The following ZFAND3 variants were observed in gnomAD, a reference collection of about 807,000 sequenced individuals.
The protein encoded by ZFAND3 is zinc finger AN1-type containing 3, also known as AN1-type zinc finger protein 3.
In ZFAND3, 10 loss-of-function variants were observed where a neutral mutation model predicts 29.6. The ratio of observed to expected loss-of-function variants is 0.34; its 90% confidence interval spans 0.21 to 0.57. The LOEUF (loss-of-function observed/expected upper bound fraction) is 0.57. ZFAND3 is among the 20% of genes least tolerant of loss of function. The pLI, the probability that ZFAND3 is intolerant of heterozygous loss-of-function variation, is 0.86. For synonymous variants in ZFAND3, 128 were observed against 112.6 expected, an observed-to-expected ratio of 1.14 and a Z score of -0.87; for missense variants, 230 against 304.5, an observed-to-expected ratio of 0.76 and a Z score of 1.82.
At chr6:38,080,694 G>A (rs984774085) in intron 3 of ZFAND3, among the ~76,000 whole-genome samples, 4 of 152,064 alleles carry the variant, frequency 2.6e-5, no homozygotes, top group Non-Finnish European at 1.5e-5. Context: ...AAATAAGAAG[G>A]CTTCAGTTAA....
At chr6:37,820,104 C>A in intron 1 of ZFAND3, 88 bp downstream of exon 1, 1 of 1,062,930 alleles carries the variant, frequency 9.4e-7, no homozygotes, top group Non-Finnish European at 1.2e-6. Context: ...GCCCGGGAGG[C>A]CGGAACCTTG....
intron 1 of ZFAND3, among the ~76,000 whole-genome samples, chr6:37,892,034 A>C (rs191765328): frequency 1.3e-5 from 2 of 152,284 alleles, no homozygotes; most frequent in Admixed American, 1.3e-4. Context: ...CGGCCAAAGT[A>C]TACATTATTC....
intron 2 of ZFAND3, among the ~76,000 whole-genome samples, chr6:38,059,533 A>G (rs1047885095): frequency 6.6e-6 from 1 of 151,962 alleles, no homozygotes; most frequent in Non-Finnish European, 1.5e-5. Context: ...CCCTCCCTCA[A>G]TCTGAGATTT....
chr6:38,078,763 A>G (rs1218961563), intron 3 of ZFAND3, among the ~76,000 whole-genome samples: 5 of 152,140 alleles, frequency 3.3e-5, no homozygotes, highest in Admixed American at 2.6e-4. Flanking sequence ...AGAACCCACA[A>G]TCATGAAGAG....
chr6:38,041,704 TCCTCCTCCTCCTCCTCCTCCTCCTC>T lies in ZFAND3; in HGVS notation c.113-19887_113-19863del. On this transcript the variant is annotated intron_variant, in intron 2 of 5. Coordinates refer to ENST00000287218, the MANE Select transcript of ZFAND3 (RefSeq NM_021943.3). ...CTTCTTCTCCTTCTCCTTCTCCTCCTCCTCCTCCTCCTCCTCCTCCTCCTCCTCCTCCTCCTCCTCCTCCTCCTCC... is the reference window on the plus strand; with the variant it reads ...CTTCTTCTCCTTCTCCTTCTCCTCCTCTCCTCCTCCTCCTCCTCCTCCTCC... Among the ~76,000 whole-genome samples the T allele has an allele frequency of 6.7e-3, 3 of 446 alleles. 1 individual carries two copies. Among genetic ancestry groups the T allele is most frequent in the African/African-American group, 9.8e-3 (3 of 306 alleles). 0.3% of individuals were successfully genotyped at this position (446 alleles called of 152,430 possible).
intron 5 of ZFAND3, among the ~76,000 whole-genome samples, chr6:38,136,985 T>G (rs1765853741): frequency 6.6e-6 from 1 of 152,212 alleles, no homozygotes; most frequent in Non-Finnish European, 1.5e-5. Context: ...CAGGATTAAT[T>G]TTCCATGGAA....
chr6:37,843,879 C>T (rs1416940680), intron 1 of ZFAND3, among the ~76,000 whole-genome samples: 6 of 150,544 alleles, frequency 4.0e-5, no homozygotes, highest in African/African-American at 1.2e-4. Context: ...TTAATAAATA[C>T]TAACAAATGC....
Position 37,830,009 on chromosome 6 carries a change from C to G in ZFAND3, c.71+9993C>G, listed in dbSNP as rs554713976. ...TTTCTTACCCTTGGTTTTAAACTTT[C>G]TAGGATTATATATTCTAATATGATA... On this transcript the variant is annotated intron_variant, in intron 1 of 5. Coordinates refer to ENST00000287218, the MANE Select transcript of ZFAND3 (RefSeq NM_021943.3). Among the ~76,000 whole-genome samples, 4 of 152,250 alleles carry G rather than the reference C, an allele frequency of 2.6e-5. No individual in the cohort carries two copies. In the South Asian group the frequency reaches 8.3e-4, roughly 32 times the overall value.
chr6:37,964,726 T>A (rs148060989), intron 2 of ZFAND3, among the ~76,000 whole-genome samples: 12 of 152,368 alleles, frequency 7.9e-5, no homozygotes, highest in African/African-American at 2.9e-4. Flanking sequence ...CATCCCTTCT[T>A]CCATCATTTC....
At chr6:38,141,497 A>G (rs1363543361) in intron 5 of ZFAND3, among the ~76,000 whole-genome samples, 1 of 152,186 alleles carries the variant, frequency 6.6e-6, no homozygotes, top group African/African-American at 2.4e-5. Context: ...AGGCTGCACT[A>G]TATAGTCTTT....
intron 1 of ZFAND3, among the ~76,000 whole-genome samples, chr6:37,830,210 G>A (rs1763835195): frequency 6.6e-6 from 1 of 152,122 alleles, no homozygotes; most frequent in African/African-American, 2.4e-5. Context: ...GAGGTGAGTT[G>A]GAAGGGAAAG....
At chr6:37,886,315 AC>A (rs1272554348) in intron 1 of ZFAND3, among the ~76,000 whole-genome samples, 115 of 151,778 alleles carry the variant, frequency 7.6e-4, no homozygotes, top group African/African-American at 2.1e-3. Context: ...AACCTTGATT[AC>A]TACAACCAAC....
intron 2 of ZFAND3, among the ~76,000 whole-genome samples, chr6:38,038,938 G>C (rs954859404): frequency 1.3e-5 from 2 of 152,174 alleles, no homozygotes; most frequent in African/African-American, 4.8e-5. Flanking sequence ...GGATCTGGCT[G>C]TTTTGCTTTT....
chr6:37,858,898 T>G (rs1289235491), intron 1 of ZFAND3, among the ~76,000 whole-genome samples: 1 of 152,232 alleles, frequency 6.6e-6, no homozygotes, highest in Non-Finnish European at 1.5e-5. Flanking sequence ...GTAGCTGCAC[T>G]GCCATTTCTT....
intron 2 of ZFAND3, among the ~76,000 whole-genome samples, chr6:37,939,190 A>G (rs1448120939): frequency 6.6e-6 from 1 of 152,218 alleles, no homozygotes; most frequent in African/African-American, 2.4e-5. Context: ...ATTCTCTCAC[A>G]GTTCTGGAGG....
chr6:37,992,599 AATAAGG>A (rs1468564932), intron 2 of ZFAND3, among the ~76,000 whole-genome samples: 1 of 152,172 alleles, frequency 6.6e-6, no homozygotes, highest in Non-Finnish European at 1.5e-5. Flanking sequence ...TCTCCCCAAG[AATAAGG>A]ATATTATTTT....
At chr6:37,831,557 G>T (rs1305881687) in intron 1 of ZFAND3, among the ~76,000 whole-genome samples, 1 of 152,214 alleles carries the variant, frequency 6.6e-6, no homozygotes, top group East Asian at 1.9e-4. Flanking sequence ...AGTGCTCTGG[G>T]AGATCACTGA....
rs1206820297 is a variant in ZFAND3 at position 38,153,480 on chromosome 6, G to T, written c.*1091G>T. On this transcript the variant is annotated 3_prime_UTR_variant, in exon 6 of 6. Transcript: ENST00000287218. ...CCACATCTACCATATAGCAAGTTTA[G>T]TAAGGGAAGGCAGCATACGTCCCAG... The T allele has an allele frequency of 1.0e-6, 1 of 985,512 alleles. No homozygotes were observed. The highest frequency in any genetic ancestry group is 1.2e-6 in the Non-Finnish European group (1 of 830,086). The allele number at this position is 985,512 out of a possible 1,614,324, so 61.0% of individuals were successfully genotyped here. A position where few individuals can be genotyped will look rare whatever the true frequency, so the allele number is the denominator to read the frequency against.
chr6:37,840,697 TC>T (rs1764057493), intron 1 of ZFAND3, among the ~76,000 whole-genome samples: 1 of 152,208 alleles, frequency 6.6e-6, no homozygotes, highest in Admixed American at 6.5e-5. Context: ...TATTTAGTCT[TC>T]CTATCCTTGA....
Sources: allele counts gnomAD v4.1 joint callset (sites outside exome capture counted in the v4.1 genomes callset), GRCh38; gene constraint gnomAD v4.1.1; transcripts MANE v1.5; gene names NCBI Gene and HGNC (gene_info 2026-07-23, HGNC 2026-07-21).